Variants in SLC23A2 observed in about 807,000 individuals in gnomAD.
SLC23A2 encodes Na(+)/L-ascorbic acid transporter 2.
A neutral mutation model predicts 73.3 loss-of-function variants in SLC23A2; 36 were observed. The observed-to-expected ratio is 0.49, with a 90% CI of 0.38 to 0.65. The LOEUF (loss-of-function observed/expected upper bound fraction) is 0.65. Ranked by LOEUF, SLC23A2 falls within the 30% of genes least tolerant of loss-of-function variation. The probability of loss-of-function intolerance (pLI) is 0.00; values close to 1 mark genes in which losing one functional copy is unlikely to be tolerated. For missense variants in SLC23A2, 507 were observed against 841.6 expected, an observed-to-expected ratio of 0.60 and a Z score of 4.92; for synonymous variants, 343 against 327.3, an observed-to-expected ratio of 1.05 and a Z score of -0.52.
intron 4 of SLC23A2, among the ~76,000 whole-genome samples, chr20:4,910,521 C>G (rs1047580938): frequency 1.3e-5 from 2 of 152,156 alleles, no homozygotes; most frequent in African/African-American, 4.8e-5. Context: ...ACCTCTGCCT[C>G]CTGGGTTCAG....
intron 3 of SLC23A2, among the ~76,000 whole-genome samples, chr20:4,930,754 G>T (rs1325065725): frequency 3.3e-5 from 5 of 152,174 alleles, no homozygotes; most frequent in Non-Finnish European, 7.3e-5. Context: ...GGGAGGCAGA[G>T]GTTGCAGTGA....
intron 6 of SLC23A2, among the ~76,000 whole-genome samples, chr20:4,888,455 T>C (rs927772499): frequency 2.0e-5 from 3 of 152,218 alleles, no homozygotes; most frequent in African/African-American, 4.8e-5. Flanking sequence ...TCACAGTTAA[T>C]AGTGGTCACT....
intron 2 of SLC23A2, among the ~76,000 whole-genome samples, chr20:4,954,493 T>C (rs532561229): frequency 6.6e-6 from 1 of 151,994 alleles, no homozygotes; most frequent in South Asian, 2.1e-4. Flanking sequence ...GGTAAGGAGT[T>C]TGAGACCAGC....
intron 1 of SLC23A2, among the ~76,000 whole-genome samples, chr20:4,972,406 AAAATACT>A (rs2087575454): frequency 6.6e-6 from 1 of 152,032 alleles, no homozygotes; most frequent in Admixed American, 6.6e-5. Context: ...TATTTGGGAA[AAAATACT>A]CACTTTAAAT....
At chr20:4,950,795 C>T (rs575692651) in intron 2 of SLC23A2, among the ~76,000 whole-genome samples, 1 of 152,238 alleles carries the variant, frequency 6.6e-6, no homozygotes, top group East Asian at 1.9e-4. Context: ...CAGCAAGGGA[C>T]ATCTTAGAAG....
intron 3 of SLC23A2, among the ~76,000 whole-genome samples, chr20:4,927,393 C>T (rs1932711149): frequency 6.6e-6 from 1 of 152,130 alleles, no homozygotes; most frequent in African/African-American, 2.4e-5. Flanking sequence ...GTGGGTATAC[C>T]CAACGGTGAG....
At chr20:4,972,581 T>C (rs1208008876) in intron 1 of SLC23A2, among the ~76,000 whole-genome samples, 1 of 151,932 alleles carries the variant, frequency 6.6e-6, no homozygotes, top group East Asian at 1.9e-4. Flanking sequence ...TTGGGGTTTT[T>C]TTGTTGTTGT....
intron 2 of SLC23A2, among the ~76,000 whole-genome samples, chr20:4,960,763 G>A (rs188222043): frequency 8.5e-5 from 13 of 152,296 alleles, no homozygotes; most frequent in Non-Finnish European, 4.4e-5. Context: ...CTAGCAGAGA[G>A]GACAAACCAG....
intron 1 of SLC23A2, among the ~76,000 whole-genome samples, chr20:4,971,541 G>A (rs759673799): frequency 6.6e-6 from 1 of 151,466 alleles, no homozygotes; most frequent in Non-Finnish European, 1.5e-5. Context: ...ACACCTGTAG[G>A]GAGGCTGGGA....
At position 4,859,372 on chromosome 20, in the gene SLC23A2, A is replaced by T; in HGVS notation, c.1637T>A (p.Ile546Asn). 1 of 1,609,762 alleles carries T rather than the reference A, an allele frequency of 6.2e-7. No individual in the cohort carries two copies. The highest frequency in any genetic ancestry group is 8.5e-7 in the Non-Finnish European group (1 of 1,175,960). The change falls in exon 16 of 17, where the codon ATC becomes AAC. Residue 546 changes from isoleucine to asparagine, a missense_variant. Physicochemically the swap from Ile to Asn is moderately radical, Grantham distance 149 (BLOSUM62 -3). Coordinates refer to ENST00000338244, the MANE Select transcript of SLC23A2 (RefSeq NM_005116.6). ...QNPLVTGITG[I>N]DQVLNVLLTT... ...GAGAAGGACGTTCAACACTTGATCG[A>T]TTCCTGTTATCCCTAGAAAGAGAAC...
Position 4,856,769 on chromosome 20 carries a change from T to G in SLC23A2, c.*203A>C. On this transcript the variant is annotated 3_prime_UTR_variant, in exon 17 of 17. Transcript: ENST00000338244. The surrounding 1 kb of genome is among the most constrained non-coding windows in gnomAD (Gnocchi z 4.6). ...ATGGACACTCTCAAAGGGCAAGGAG[T>G]TAAGGGCTTAAATAAGGAGATAGGC... The G allele has an allele frequency of 3.6e-6, 2 of 558,566 alleles. No homozygotes were observed. Among genetic ancestry groups the G allele is most frequent in the East Asian group, 6.0e-5 (2 of 33,584 alleles). The allele number at this position is 558,566 out of a possible 1,614,324, so 34.6% of individuals were successfully genotyped here.
intron 6 of SLC23A2, among the ~76,000 whole-genome samples, chr20:4,886,900 G>A (rs917922992): frequency 6.6e-6 from 1 of 152,150 alleles, no homozygotes; most frequent in Non-Finnish European, 1.5e-5. Context: ...GAGCTGTCTG[G>A]CAGCAAGTCC....
At chr20:4,950,975 G>C (rs746470990) in intron 2 of SLC23A2, among the ~76,000 whole-genome samples, 4 of 152,100 alleles carry the variant, frequency 2.6e-5, no homozygotes, top group African/African-American at 7.2e-5. Context: ...AGAAGGTTGG[G>C]AGCCAGGTGC....
chr20:4,955,800 T>C (rs2087278146), intron 2 of SLC23A2, among the ~76,000 whole-genome samples: 1 of 152,074 alleles, frequency 6.6e-6, no homozygotes, highest in Admixed American at 6.6e-5. Context: ...AAAATAATTT[T>C]TTTTTTTAAA....
intron 3 of SLC23A2, among the ~76,000 whole-genome samples, chr20:4,920,239 C>A (rs1214258070): frequency 6.6e-6 from 1 of 152,174 alleles, no homozygotes; most frequent in Non-Finnish European, 1.5e-5. Flanking sequence ...CCAGCCTGGG[C>A]AACAGAACGA....
At chr20:4,937,928 A>G (rs907751199) in intron 2 of SLC23A2, among the ~76,000 whole-genome samples, 3 of 151,814 alleles carry the variant, frequency 2.0e-5, no homozygotes, top group African/African-American at 7.3e-5. Flanking sequence ...GAACTCTCTA[A>G]CATATGCACT....
Position 4,862,185 on chromosome 20 carries a change from A to G in SLC23A2, c.1487-100T>C. The G allele has an allele frequency of 8.2e-7, 1 of 1,220,836 alleles. No homozygotes were observed. The highest frequency in any genetic ancestry group is 1.4e-5 in the South Asian group (1 of 71,450). The allele number at this position is 1,220,836 out of a possible 1,614,324, so 75.6% of individuals were successfully genotyped here. On this transcript the variant is annotated intron_variant, in intron 14 of 16. Coordinates refer to ENST00000338244, the MANE Select transcript of SLC23A2 (RefSeq NM_005116.6). This position sits in a 1 kb window ranked among gnomAD's most constrained non-coding sequence, Gnocchi z 5.1. ...CTCCCTGGCACCCCTTCTCTGTCCA[A>G]CAGAAACCAATGAGACCAGTGCAGG... is the stretch of plus-strand genomic sequence containing the variant.
At position 4,886,379 on chromosome 20, in the gene SLC23A2, C is replaced by T. The variant is rs562246524; in HGVS notation, c.483-470G>A. 4.6e-4 allele frequency among the ~76,000 whole-genome samples: 70 copies of T among 152,354 alleles called. 1 individual carries two copies. The East Asian group carries it at 8.9e-3, about 19-fold the overall frequency. ...GTTTCATTTTGTAAATCAAAAACTGCCCTAATCACCGATTACAGATAAATC... is the reference window on the plus strand; with the variant it reads ...GTTTCATTTTGTAAATCAAAAACTGTCCTAATCACCGATTACAGATAAATC... On this transcript the variant is annotated intron_variant, in intron 6 of 16. Coordinates refer to ENST00000338244, the MANE Select transcript of SLC23A2 (RefSeq NM_005116.6).
At chr20:5,000,825 G>C (rs1328270363) in intron 1 of SLC23A2, among the ~76,000 whole-genome samples, 2 of 152,210 alleles carry the variant, frequency 1.3e-5, no homozygotes, top group Non-Finnish European at 2.9e-5. Context: ...CCAGGGAACA[G>C]GCCAGAAAGG....
Sources: gnomAD v4.1 joint callset for allele counts (sites outside exome capture counted in the v4.1 genomes callset) on GRCh38, gnomAD v4.1.1 for gene constraint, Gnocchi (gnomAD v3.1) non-coding constraint, MANE v1.5 for transcripts, NCBI Gene and HGNC (gene_info 2026-07-23, HGNC 2026-07-21) for gene names.